ATRNL1: variants seen among roughly 807,000 people sequenced by gnomAD.
ATRNL1 encodes the protein attractin-like protein 1.
ATRNL1 carries 95 observed loss-of-function variants against 182.7 expected under a neutral mutation model. That is an observed-to-expected ratio of 0.52 (90% CI 0.44 to 0.62). The LOEUF is 0.62. Among genes scored for constraint, ATRNL1 ranks in the 20% least tolerant of loss-of-function variants. The pLI, the probability that ATRNL1 is intolerant of heterozygous loss-of-function variation, is 0.00. For missense variants in ATRNL1, 1,471 were observed against 1,679.5 expected, an observed-to-expected ratio of 0.88 and a Z score of 2.17; for synonymous variants, 576 against 568.3, an observed-to-expected ratio of 1.01 and a Z score of -0.19.
intron 1 of ATRNL1, among the ~76,000 whole-genome samples, chr10:115,097,050 G>A (rs1000282363): frequency 3.9e-5 from 6 of 152,060 alleles, no homozygotes; most frequent in Non-Finnish European, 8.8e-5. Flanking sequence ...GAGCCCTTGA[G>A]AATTAATTTT....
intron 21 of ATRNL1, among the ~76,000 whole-genome samples, chr10:115,460,440 C>A (rs1847739091): frequency 2.0e-5 from 3 of 151,958 alleles, no homozygotes; most frequent in Admixed American, 6.6e-5. Context: ...CTTTGCCTTT[C>A]TTTCTTAAAA....
At chr10:115,751,697 TA>T (rs1555070682) in intron 27 of ATRNL1, among the ~76,000 whole-genome samples, 1 of 152,048 alleles carries the variant, frequency 6.6e-6, no homozygotes, top group African/African-American at 2.4e-5. Flanking sequence ...TATGCAGTTG[TA>T]AAAAAATTAA....
intron 27 of ATRNL1, among the ~76,000 whole-genome samples, chr10:115,828,458 T>G (rs2134303780): frequency 6.6e-6 from 1 of 152,306 alleles, no homozygotes; most frequent in South Asian, 2.1e-4. Context: ...CAGAGATTCT[T>G]CATGGCTTGT....
intron 26 of ATRNL1, among the ~76,000 whole-genome samples, chr10:115,565,913 C>T (rs1854049266): frequency 6.6e-6 from 1 of 152,084 alleles, no homozygotes; most frequent in Non-Finnish European, 1.5e-5. Flanking sequence ...AGATTCTACT[C>T]AGTCTATTTC....
At chr10:115,344,335 C>G (rs1855882381) in intron 19 of ATRNL1, among the ~76,000 whole-genome samples, 1 of 152,204 alleles carries the variant, frequency 6.6e-6, no homozygotes, top group Non-Finnish European at 1.5e-5. Flanking sequence ...AGCTGGCACT[C>G]AAAACGCAAT....
intron 28 of ATRNL1, among the ~76,000 whole-genome samples, chr10:115,889,553 C>T (rs1282495688): frequency 2.0e-5 from 3 of 152,168 alleles, no homozygotes; most frequent in African/African-American, 7.2e-5. Flanking sequence ...TGAAAAGTTT[C>T]AGAATAACGC....
In ATRNL1 at chr10:115,290,073, G is replaced by GTT. The variant is rs34824411; in HGVS notation, c.2415+3687_2415+3688dup. On this transcript the variant is annotated intron_variant, in intron 15 of 28. Coordinates refer to ENST00000355044, the MANE Select transcript of ATRNL1 (RefSeq NM_207303.4). ...CAATTTCTTTAATCAGTGTTTTGTA[G>GTT]TTTTTTTTTTTTGTAGAGGTCTTTT... Among the ~76,000 whole-genome samples, 979 of 145,062 alleles carry GTT rather than the reference G, an allele frequency of 6.7e-3. 4 individuals are homozygous for GTT. The highest frequency in any genetic ancestry group is 0.022 in the Middle Eastern group (6 of 276).
At chr10:115,194,033 A>T (rs1464340532) in intron 8 of ATRNL1, among the ~76,000 whole-genome samples, 2 of 151,738 alleles carry the variant, frequency 1.3e-5, no homozygotes, top group Non-Finnish European at 2.9e-5. Flanking sequence ...TTCTAGTTTT[A>T]TTCTGTTGTG....
At chr10:115,449,557 A>C (rs2134478096) in intron 21 of ATRNL1, among the ~76,000 whole-genome samples, 1 of 152,296 alleles carries the variant, frequency 6.6e-6, no homozygotes, top group African/African-American at 2.4e-5. Context: ...GGCAAAGCTA[A>C]GAAGACACTG....
At chr10:115,419,927 G>A (rs1845574726) in intron 20 of ATRNL1, among the ~76,000 whole-genome samples, 1 of 151,938 alleles carries the variant, frequency 6.6e-6, no homozygotes, top group Non-Finnish European at 1.5e-5. Flanking sequence ...GGACCTAACA[G>A]ACATTTACAG....
intron 1 of ATRNL1, among the ~76,000 whole-genome samples, chr10:115,103,380 G>T (rs183223460): frequency 2.0e-5 from 3 of 152,108 alleles, no homozygotes; most frequent in East Asian, 3.9e-4. Context: ...TGTTCTTTAA[G>T]GCTATTGTAG....
rs371618243 is a variant in ATRNL1 at position 115,155,291 on chromosome 10, A to G, written c.830-4749A>G. Among the ~76,000 whole-genome samples the G allele has an allele frequency of 3.3e-5, 5 of 151,898 alleles. No homozygotes were observed. In the East Asian group the frequency reaches 9.7e-4, roughly 29 times the overall value. On this transcript the variant is annotated intron_variant, in intron 5 of 28. Coordinates refer to ENST00000355044, the MANE Select transcript of ATRNL1 (RefSeq NM_207303.4). Reference sequence around the variant, plus strand: ...CTGTGTTTTTTAAGTGGAAGGTTTAATTTGTTTACAATCAAGGTTTCTATT... The same window carrying G: ...CTGTGTTTTTTAAGTGGAAGGTTTAGTTTGTTTACAATCAAGGTTTCTATT...
chr10:115,208,275 C>A (rs1178583750), intron 8 of ATRNL1, among the ~76,000 whole-genome samples: 1 of 151,956 alleles, frequency 6.6e-6, no homozygotes, highest in Non-Finnish European at 1.5e-5. Context: ...TTAAAACATT[C>A]TGTTCTACCA....
intron 8 of ATRNL1, among the ~76,000 whole-genome samples, chr10:115,196,490 G>C (rs1320122361): frequency 6.6e-6 from 1 of 152,028 alleles, no homozygotes; most frequent in Non-Finnish European, 1.5e-5. Context: ...GATTTTAATT[G>C]GGGTTGCATT....
At position 115,096,591 on chromosome 10, in the gene ATRNL1, G is replaced by T. The variant is rs550804816; in HGVS notation, c.293+2548G>T. The T allele has an allele frequency of 1.2e-4, 118 of 981,772 alleles. No individual in the cohort carries two copies. In the African/African-American group the frequency reaches 1.8e-3, roughly 15 times the overall value. The allele number at this position is 981,772 out of a possible 1,614,324, so 60.8% of individuals were successfully genotyped here. On this transcript the variant is annotated intron_variant, in intron 1 of 28. Coordinates refer to ENST00000355044, the MANE Select transcript of ATRNL1 (RefSeq NM_207303.4). ...ATGATTGATCAATCTTGGTAAGCAG[G>T]TGTCAAAATTAATTGGTTGGCTCCA...
At chr10:115,860,267 C>A (rs1316474379) in intron 28 of ATRNL1, among the ~76,000 whole-genome samples, 1 of 152,162 alleles carries the variant, frequency 6.6e-6, no homozygotes, top group East Asian at 1.9e-4. Flanking sequence ...CCCTAAAAAT[C>A]TGGATGCAGT....
chr10:115,843,265 C>A (rs1373151566), intron 27 of ATRNL1, among the ~76,000 whole-genome samples: 1 of 151,950 alleles, frequency 6.6e-6, no homozygotes, highest in African/African-American at 2.4e-5. Flanking sequence ...GGCACAAGCA[C>A]CGTGCTTGGA....
intron 26 of ATRNL1, among the ~76,000 whole-genome samples, chr10:115,603,597 C>T (rs1856726110): frequency 6.6e-6 from 1 of 152,248 alleles, no homozygotes; most frequent in Non-Finnish European, 1.5e-5. Flanking sequence ...TATAAAACTT[C>T]TGACAATTTA....
chr10:115,438,150 G>T (rs1432191208), intron 21 of ATRNL1, among the ~76,000 whole-genome samples: 3 of 151,916 alleles, frequency 2.0e-5, no homozygotes, highest in African/African-American at 4.8e-5. Context: ...TTATATCTAA[G>T]AATTCTTCTT....
Sources: gnomAD v4.1 joint callset for allele counts (sites outside exome capture counted in the v4.1 genomes callset) on GRCh38, gnomAD v4.1.1 for gene constraint, MANE v1.5 for transcripts, NCBI Gene and HGNC (gene_info 2026-07-23, HGNC 2026-07-21) for gene names.